RRAGB: variants seen among roughly 807,000 people sequenced by gnomAD.
The protein encoded by RRAGB is Ras related GTP binding B.
A neutral mutation model predicts 29.3 loss-of-function variants in RRAGB; 6 were observed. That is an observed-to-expected ratio of 0.21 (90% confidence interval 0.11 to 0.40). The LOEUF (loss-of-function observed/expected upper bound fraction) is 0.40, where lower values mean the gene tolerates loss of function less well. Among genes scored for constraint, RRAGB ranks in the 10% least tolerant of loss-of-function variants. The pLI, the probability that RRAGB is intolerant of heterozygous loss-of-function variation, is 1.00. For missense variants in RRAGB, 184 were observed against 272.9 expected (o/e 0.67, Z 2.29); for synonymous variants, 101 against 92.5 (o/e 1.09, Z -0.53).
chrX:55,758,260 C>G lies in RRAGB; in HGVS notation c.958C>G (p.Leu320Val). Residue 320 changes from leucine (L) to valine (V), a missense_variant, in exon 10 of 10, where the codon CTG becomes GTG. Leu to Val is a conservative substitution (Grantham distance 32). Coordinates refer to ENST00000374941, the MANE Select transcript of RRAGB (RefSeq NM_006064.5). ...SDPSIPSAAT[L>V]INIRNARKHF... ...CCCGCCCTCAGCTTCTGCAGCTACT[C>G]TGATCAACATCCGCAATGCCAGGAA... The G allele has an allele frequency of 1.7e-6, 2 of 1,206,342 alleles. No individual in the cohort carries two copies. The highest frequency in any genetic ancestry group is 2.2e-6 in the Non-Finnish European group (2 of 891,824).
chrX:55,727,868 G>A (rs1192363201), intron 3 of RRAGB, among the ~76,000 whole-genome samples: 1 of 111,691 alleles, frequency 9.0e-6, no homozygotes, highest in Non-Finnish European at 1.9e-5. Flanking sequence ...ACTCCTTGGG[G>A]TTTTTAGTGC....
chrX:55,731,460 C>T lies in RRAGB; in HGVS notation c.390C>T (p.Arg130=), dbSNP rs368243955. Residue 130 remains arginine, a synonymous_variant, in exon 5 of 10, where the codon CGC becomes CGT. Transcript: ENST00000374941. Reference sequence around the variant, plus strand: ...TTTATGTCTTTGATGTGGAGAGCCGCGAACTGGAAAAGGACATGCACTATT... The same window carrying T: ...TTTATGTCTTTGATGTGGAGAGCCGTGAACTGGAAAAGGACATGCACTATT... The part of the protein sequence containing the change: ...VLIYVFDVES[R]ELEKDMHYYQ... The T allele has an allele frequency of 1.2e-5, 14 of 1,207,005 alleles. No individual in the cohort carries two copies. Among genetic ancestry groups the T allele is most frequent in the African/African-American group, 1.1e-4 (6 of 57,040 alleles).
chrX:55,746,453 A>G (rs969291356), intron 5 of RRAGB, among the ~76,000 whole-genome samples: 4 of 111,397 alleles, frequency 3.6e-5, no homozygotes, highest in Non-Finnish European at 7.5e-5. Context: ...CTAGGATCCA[A>G]CTACTCCCGT....
chrX:55,742,585 G>A (rs1250440976), intron 5 of RRAGB, among the ~76,000 whole-genome samples: 1 of 112,106 alleles, frequency 8.9e-6, no homozygotes, highest in Non-Finnish European at 1.9e-5. Flanking sequence ...TCAGAGGCTT[G>A]AGGGACCCAA....
intron 7 of RRAGB, among the ~76,000 whole-genome samples, chrX:55,754,639 C>G (rs61708055): frequency 0.031 from 3,481 of 112,214 alleles, 149 homozygotes; most frequent in African/African-American, 0.11. Flanking sequence ...ACCCAGCAAG[C>G]CTTGGCATTT....
At chrX:55,755,178 C>T in intron 7 of RRAGB, 2 of 753,301 alleles carry the variant, frequency 2.7e-6, no homozygotes, top group Non-Finnish European at 3.1e-6. Flanking sequence ...CACATTGTCT[C>T]ATGGAATTTC....
intron 4 of RRAGB, 130 bp downstream of exon 4, chrX:55,729,490 A>C (rs897013107): frequency 2.1e-5 from 9 of 425,724 alleles, no homozygotes; most frequent in Non-Finnish European, 3.7e-5. Context: ...TTTAAAATTG[A>C]CACTTGAGTC....
chrX:55,749,857 A>G (rs1313508508), intron 5 of RRAGB, among the ~76,000 whole-genome samples: 1 of 107,247 alleles, frequency 9.3e-6, no homozygotes, highest in African/African-American at 3.3e-5. Context: ...AAGAGTCATC[A>G]CCACTCCCTA....
intron 3 of RRAGB, among the ~76,000 whole-genome samples, chrX:55,728,183 G>A (rs1340149561): frequency 2.7e-5 from 3 of 111,557 alleles, no homozygotes; most frequent in Admixed American, 1.9e-4. Flanking sequence ...TTAGTTATCA[G>A]CATGTAAAAG....
intron 5 of RRAGB, among the ~76,000 whole-genome samples, chrX:55,734,292 C>T (rs1234547365): frequency 2.8e-5 from 3 of 107,107 alleles, no homozygotes; most frequent in Non-Finnish European, 5.8e-5. Context: ...TTACTGATTA[C>T]GTCTCACTAA....
intron 1 of RRAGB, 60 bp downstream of exon 1, chrX:55,718,479 G>A (rs1034053987): frequency 5.3e-6 from 4 of 751,416 alleles, no homozygotes; most frequent in Non-Finnish European, 7.7e-6. Context: ...AGAGAGTATT[G>A]TGAATTAGAA....
At chrX:55,720,891 TAAAA>T (rs927963987) in intron 2 of RRAGB, among the ~76,000 whole-genome samples, 4 of 110,349 alleles carry the variant, frequency 3.6e-5, no homozygotes, top group Admixed American at 1.9e-4. Flanking sequence ...AAAAATAAAA[TAAAA>T]AAGAAAGAAC....
intron 5 of RRAGB, among the ~76,000 whole-genome samples, chrX:55,732,926 T>C (rs1306960819): frequency 1.8e-5 from 2 of 111,744 alleles, no homozygotes; most frequent in Admixed American, 1.9e-4. Flanking sequence ...TAGAAGTGTT[T>C]TATTCACTTG....
chrX:55,726,695 T>C (rs1017756706), intron 3 of RRAGB, among the ~76,000 whole-genome samples: 1 of 111,182 alleles, frequency 9.0e-6, no homozygotes, highest in Non-Finnish European at 1.9e-5. Flanking sequence ...AGGTTTTGGC[T>C]TAGGCAACTG....
At position 55,721,837 on chromosome X, in the gene RRAGB, A is replaced by G. The variant is rs778229693; in HGVS notation, c.127-349A>G. 5.3e-5 allele frequency among the ~76,000 whole-genome samples: 6 copies of G among 112,570 alleles called. No homozygotes were observed. In the Admixed American group the frequency reaches 5.6e-4, roughly 11 times the overall value. On this transcript the variant is annotated intron_variant, in intron 2 of 9. Transcript: ENST00000374941. ...CTCTACTAGGTAATTCAGTTAACAA[A>G]ACATTGGGTTATGATAGAACAGGGT...
At chrX:55,730,420 G>A (rs774474578) in intron 4 of RRAGB, among the ~76,000 whole-genome samples, 3 of 111,847 alleles carry the variant, frequency 2.7e-5, no homozygotes, top group African/African-American at 9.7e-5. Flanking sequence ...CATTTTTAGA[G>A]ATAAGGCAAC....
rs751095650 is a variant in RRAGB at position 55,731,697 on chromosome X, A to G, written c.516+111A>G. 1.4e-5 allele frequency: 7 copies of G among 491,003 alleles called. No individual in the cohort carries two copies. The East Asian group carries it at 2.6e-4, about 18-fold the overall frequency. 40.5% of individuals were successfully genotyped at this position (491,003 alleles called of 1,213,427 possible). A position where few individuals can be genotyped will look rare whatever the true frequency, so the allele number is the denominator to read the frequency against. ...TTTTCAGGAATAAAAAGTCAGCAGA[A>G]GTTTTGAAAGTAAAGTTTTGTCATT... On this transcript the variant is annotated intron_variant, in intron 5 of 9. Coordinates refer to ENST00000374941, the MANE Select transcript of RRAGB (RefSeq NM_006064.5).
rs1433801625 is a variant in RRAGB, at chrX:55,740,352, C to T, written c.516+8766C>T. ...AAAAAAAAATCATTGTGATTTTGAA[C>T]CATGAATTTTAAATCATTATGACTA... is the stretch of plus-strand genomic sequence containing the variant. On this transcript the variant is annotated intron_variant, in intron 5 of 9. Coordinates refer to ENST00000374941, the MANE Select transcript of RRAGB (RefSeq NM_006064.5). Among the ~76,000 whole-genome samples, 6 of 110,655 alleles carry T rather than the reference C, an allele frequency of 5.4e-5. No individual in the cohort carries two copies. The East Asian group carries it at 1.7e-3, about 31-fold the overall frequency.
intron 3 of RRAGB, among the ~76,000 whole-genome samples, chrX:55,727,894 T>C (rs2033539121): frequency 9.0e-6 from 1 of 111,517 alleles, no homozygotes; most frequent in South Asian, 3.7e-4. Flanking sequence ...AGAGAGTAGA[T>C]GCTTAATGAG....
Sources: allele counts gnomAD v4.1 joint callset (sites outside exome capture counted in the v4.1 genomes callset), GRCh38; gene constraint gnomAD v4.1.1; transcripts MANE v1.5; gene names NCBI Gene and HGNC (gene_info 2026-07-23, HGNC 2026-07-21).